Variants in TDRD5 observed in about 807,000 individuals in gnomAD.
TDRD5 encodes the protein tudor domain containing 5, also known as tudor domain-containing protein 5.
TDRD5 carries 41 observed loss-of-function variants against 120.6 expected under a neutral mutation model. That is an observed-to-expected ratio of 0.34 (90% CI 0.26 to 0.44). The LOEUF (loss-of-function observed/expected upper bound fraction) is 0.44. TDRD5 is among the 20% of genes least tolerant of loss of function. The probability of loss-of-function intolerance (pLI) is 1.00; values close to 1 mark genes in which losing one functional copy is unlikely to be tolerated. For synonymous variants in TDRD5, 430 were observed against 433.7 expected, an observed-to-expected ratio of 0.99 and a Z score of 0.11; for missense variants, 1,006 against 1,221.2, an observed-to-expected ratio of 0.82 and a Z score of 2.63.
intron 11 of TDRD5, among the ~76,000 whole-genome samples, chr1:179,648,046 T>C (rs1678487366): frequency 6.6e-6 from 1 of 152,080 alleles, no homozygotes; most frequent in African/African-American, 2.4e-5. Context: ...TGGCGATTCC[T>C]CAGGGATCTA....
chr1:179,654,469 A>G, intron 14 of TDRD5, 107 bp downstream of exon 14: 2 of 1,235,924 alleles, frequency 1.6e-6, no homozygotes, highest in Non-Finnish European at 1.1e-6. Context: ...TGCTTTTAGT[A>G]TTACAAATTC....
At chr1:179,662,023 AAAAACTAT>A in intron 14 of TDRD5, 73 bp from the exon 15 acceptor site, 17 of 1,352,076 alleles carry the variant, frequency 1.3e-5, no homozygotes, top group Non-Finnish European at 1.4e-5. Context: ...GGAGTCAGGA[AAAAACTAT>A]AAAACCTAAA....
intron 14 of TDRD5, among the ~76,000 whole-genome samples, chr1:179,660,899 T>C (rs981788609): frequency 3.9e-5 from 6 of 152,176 alleles, no homozygotes; most frequent in African/African-American, 1.4e-4. Flanking sequence ...CTGTTTTCTT[T>C]ATTGAGAATA....
rs557992180 is a variant in TDRD5, at chr1:179,673,758, T to C, written c.2860+4354T>C. Among the ~76,000 whole-genome samples the C allele has an allele frequency of 1.4e-4, 20 of 138,500 alleles. No individual in the cohort carries two copies. In the South Asian group the frequency reaches 1.7e-3, roughly 12 times the overall value. 90.9% of individuals were successfully genotyped at this position (138,500 alleles called of 152,430 possible). ...GACTTTGAGTAGAATGGGAGGCAGGTTTGCCCTAAGCAGTTTCCAGCTTGA... is the reference window on the plus strand; with the variant it reads ...GACTTTGAGTAGAATGGGAGGCAGGCTTGCCCTAAGCAGTTTCCAGCTTGA... On this transcript the variant is annotated intron_variant, in intron 17 of 17. Coordinates refer to ENST00000444136, the MANE Select transcript of TDRD5 (RefSeq NM_001199085.3).
At chr1:179,646,844 T>C (rs1166939645) in intron 11 of TDRD5, among the ~76,000 whole-genome samples, 1 of 151,912 alleles carries the variant, frequency 6.6e-6, no homozygotes, top group East Asian at 1.9e-4. Flanking sequence ...TGAACTCCCA[T>C]CCACAATTGC....
At chr1:179,634,764 T>C in intron 8 of TDRD5, 135 bp downstream of exon 8, 1 of 1,105,196 alleles carries the variant, frequency 9.0e-7, no homozygotes. Context: ...GAAATCATCT[T>C]TGTATTGAAG....
At chr1:179,600,115 A>G (rs980815942) in intron 4 of TDRD5, among the ~76,000 whole-genome samples, 2 of 152,160 alleles carry the variant, frequency 1.3e-5, no homozygotes, top group African/African-American at 4.8e-5. Flanking sequence ...AGCTCCATGC[A>G]TATTATTGTC....
chr1:179,607,222 A>G lies in TDRD5; in HGVS notation c.832-11377A>G, dbSNP rs140783342. Among the ~76,000 whole-genome samples the G allele has an allele frequency of 1.1e-4, 16 of 152,200 alleles. No homozygotes were observed. In the East Asian group the frequency reaches 2.1e-3, roughly 20 times the overall value. On this transcript the variant is annotated intron_variant, in intron 4 of 17. Coordinates refer to ENST00000444136, the MANE Select transcript of TDRD5 (RefSeq NM_001199085.3). ...TGTAAATAGTATTTTTTAAATTTCA[A>G]ATTTCACTTATTACTGGAATATAGG...
chr1:179,634,507 A>G lies in TDRD5; in HGVS notation c.1177A>G (p.Arg393Gly). The G allele has an allele frequency of 6.2e-7, 1 of 1,612,080 alleles. No homozygotes were observed. Among genetic ancestry groups the G allele is most frequent in the Non-Finnish European group, 8.5e-7 (1 of 1,179,648 alleles). ...CAAAGCTTGTGTCTCCAGTCCACCT[A>G]GAAATTCATTGTCTACTGCTGCTGT... ...EAKACVSSPPRNSLSTAAVKE... is the reference protein window; with the variant it reads ...EAKACVSSPPGNSLSTAAVKE... Residue 393 changes from arginine (R) to glycine (G), a missense_variant, in exon 8 of 18, where the codon AGA becomes GGA. Arg to Gly is a moderately radical substitution (Grantham distance 125). Coordinates refer to ENST00000444136, the MANE Select transcript of TDRD5 (RefSeq NM_001199085.3).
rs1353166628 is a variant in TDRD5 at position 179,663,333 on chromosome 1, AT to A, written c.2506-9del. On this transcript the variant is annotated splice_polypyrimidine_tract_variant and intron_variant, in intron 15 of 17. Transcript: ENST00000444136. The stretch of plus-strand genomic sequence containing the variant: ...CACTTTATCTCAGTCTGTTGTTGCC[AT>A]TTTTTCATTATAGGACTGGTGTTTT... 6.3e-7 allele frequency: 1 copy of A among 1,595,006 alleles called. No homozygotes were observed. The highest frequency in any genetic ancestry group is 1.2e-5 in the South Asian group (1 of 86,694).
intron 4 of TDRD5, among the ~76,000 whole-genome samples, chr1:179,606,504 A>G (rs1025401484): frequency 6.6e-6 from 1 of 152,114 alleles, no homozygotes; most frequent in African/African-American, 2.4e-5. Context: ...CTAGAAACTC[A>G]TCGCCTTATC....
chr1:179,627,937 A>G (rs532232930), intron 6 of TDRD5, among the ~76,000 whole-genome samples: 32 of 152,334 alleles, frequency 2.1e-4, no homozygotes, highest in East Asian at 1.3e-3. Context: ...AATTGACAGA[A>G]TGCTGCTGTT....
At chr1:179,639,709 T>C (rs1041363138) in intron 9 of TDRD5, 130 bp from the exon 10 acceptor site, 3 of 872,522 alleles carry the variant, frequency 3.4e-6, no homozygotes, top group Admixed American at 5.3e-5. Context: ...TTAATGAGCA[T>C]TAACAATTTG....
At chr1:179,596,563 TCAAA>T (rs1209966551) in intron 4 of TDRD5, among the ~76,000 whole-genome samples, 1 of 152,244 alleles carries the variant, frequency 6.6e-6, no homozygotes, top group Non-Finnish European at 1.5e-5. Flanking sequence ...ATAAATGGAA[TCAAA>T]CAATATCTAA....
chr1:179,622,646 A>G (rs975304609), intron 6 of TDRD5, among the ~76,000 whole-genome samples: 2 of 152,166 alleles, frequency 1.3e-5, no homozygotes, highest in African/African-American at 2.4e-5. Flanking sequence ...AAATTCACTA[A>G]CAACAAATTG....
chr1:179,631,102 CT>C (rs1236530933), intron 7 of TDRD5, among the ~76,000 whole-genome samples, 182 bp downstream of exon 7: 7 of 151,902 alleles, frequency 4.6e-5, no homozygotes, highest in Non-Finnish European at 1.0e-4. Flanking sequence ...TAAAATTTTG[CT>C]TTCTTGGGCC....
At chr1:179,620,884 A>C in intron 5 of TDRD5, 151 bp from the exon 6 acceptor site, 1 of 563,590 alleles carries the variant, frequency 1.8e-6, no homozygotes. Context: ...TAAAACTGGA[A>C]ACTCATTTTC....
intron 11 of TDRD5, among the ~76,000 whole-genome samples, chr1:179,646,751 CAA>C (rs2102046701): frequency 6.6e-6 from 1 of 152,278 alleles, no homozygotes; most frequent in Non-Finnish European, 1.5e-5. Flanking sequence ...GCAACTTCAG[CAA>C]AGTCTCAGGA....
chr1:179,602,033 T>A (rs1558371359), intron 4 of TDRD5, among the ~76,000 whole-genome samples: 3 of 152,262 alleles, frequency 2.0e-5, no homozygotes. Context: ...TGTGAACTCC[T>A]GAGCTCAGGC....
Sources: allele counts gnomAD v4.1 joint callset (sites outside exome capture counted in the v4.1 genomes callset), GRCh38; gene constraint gnomAD v4.1.1; transcripts MANE v1.5; gene names NCBI Gene and HGNC (gene_info 2026-07-23, HGNC 2026-07-21).